Variants in ZNF679 observed in about 807,000 individuals in gnomAD.
The protein encoded by ZNF679 is hypothetical protein MGC42415.
In ZNF679, 10 loss-of-function variants were observed where a neutral mutation model predicts 13.4. The observed-to-expected ratio is 0.75, with a 90% CI of 0.46 to 1.27. The LOEUF (loss-of-function observed/expected upper bound fraction) is 1.27. Ranked by LOEUF, ZNF679 falls within the 50% of genes most tolerant of loss-of-function variation. The pLI is 0.00. For synonymous variants in ZNF679, 179 were observed against 162.5 expected, an observed-to-expected ratio of 1.10 and a Z score of -0.77; for missense variants, 525 against 477.8, an observed-to-expected ratio of 1.10 and a Z score of -0.92.
intron 4 of ZNF679, among the ~76,000 whole-genome samples, chr7:64,262,303 G>T (rs566829632): frequency 9.3e-4 from 141 of 152,206 alleles, no homozygotes; most frequent in South Asian, 8.1e-3. Flanking sequence ...TATTAAATGT[G>T]TTACTTGATT....
At chr7:64,231,286 C>G (rs1253398570) in intron 1 of ZNF679, among the ~76,000 whole-genome samples, 3 of 152,214 alleles carry the variant, frequency 2.0e-5, no homozygotes, top group Non-Finnish European at 4.4e-5. Flanking sequence ...ATGTCACAAT[C>G]TCACATATGG....
intron 2 of ZNF679, among the ~76,000 whole-genome samples, chr7:64,259,987 C>T (rs574654496): frequency 6.6e-6 from 1 of 151,748 alleles, no homozygotes; most frequent in African/African-American, 2.4e-5. Flanking sequence ...TATTGATGCC[C>T]TTAATTTAAT....
intron 2 of ZNF679, among the ~76,000 whole-genome samples, chr7:64,256,491 A>G (rs1584235486): frequency 6.6e-6 from 1 of 152,148 alleles, no homozygotes; most frequent in African/African-American, 2.4e-5. Flanking sequence ...AAAATTGCCA[A>G]ACTGTTTTTC....
intron 1 of ZNF679, among the ~76,000 whole-genome samples, chr7:64,234,774 A>G (rs1787686493): frequency 6.6e-6 from 1 of 152,184 alleles, no homozygotes; most frequent in Admixed American, 6.5e-5. Context: ...TAGAAGACTA[A>G]TATACCTCTC....
chr7:64,262,291 A>T (rs546551578), intron 4 of ZNF679, among the ~76,000 whole-genome samples: 145 of 152,296 alleles, frequency 9.5e-4, no homozygotes, highest in South Asian at 8.1e-3. Flanking sequence ...GCACTGTCAC[A>T]CTATTAAATG....
intron 1 of ZNF679, among the ~76,000 whole-genome samples, chr7:64,229,395 A>C (rs1375243515): frequency 6.6e-6 from 1 of 152,134 alleles, no homozygotes; most frequent in East Asian, 1.9e-4. Context: ...AAGAGACAAC[A>C]CTGTGCCTGT....
chr7:64,240,160 C>T (rs984487809), intron 1 of ZNF679, among the ~76,000 whole-genome samples: 1 of 152,090 alleles, frequency 6.6e-6, no homozygotes, highest in Non-Finnish European at 1.5e-5. Flanking sequence ...CTGAATGGGC[C>T]CTGCTCTCAG....
At chr7:64,254,605 C>T (rs577073030) in intron 2 of ZNF679, among the ~76,000 whole-genome samples, 2 of 151,948 alleles carry the variant, frequency 1.3e-5, no homozygotes, top group South Asian at 2.1e-4. Flanking sequence ...AATTATTGAA[C>T]TTGAGGGAGA....
At chr7:64,234,462 G>A (rs190446852) in intron 1 of ZNF679, among the ~76,000 whole-genome samples, 1 of 152,080 alleles carries the variant, frequency 6.6e-6, no homozygotes, top group African/African-American at 2.4e-5. Context: ...AAATGTGGGG[G>A]GACATCTACT....
At chr7:64,265,853 G>A (rs1407876269) in intron 4 of ZNF679, 43 bp from the exon 5 acceptor site, 33 of 1,584,698 alleles carry the variant, frequency 2.1e-5, no homozygotes, top group African/African-American at 2.7e-5. Context: ...ATATCTATCT[G>A]GGTGTAGTAA....
intron 4 of ZNF679, among the ~76,000 whole-genome samples, chr7:64,261,795 T>C (rs2115607940): frequency 6.6e-6 from 1 of 152,204 alleles, no homozygotes; most frequent in East Asian, 1.9e-4. Flanking sequence ...TTTCAAATAG[T>C]TCTTCCCATT....
chr7:64,238,327 C>T (rs1371357905), intron 1 of ZNF679, among the ~76,000 whole-genome samples: 4 of 152,154 alleles, frequency 2.6e-5, no homozygotes, highest in Non-Finnish European at 5.9e-5. Flanking sequence ...ATATGAATGA[C>T]AGCCCTTTTC....
chr7:64,231,878 A>G (rs1342957991), intron 1 of ZNF679, among the ~76,000 whole-genome samples: 1 of 152,250 alleles, frequency 6.6e-6, no homozygotes, highest in Admixed American at 6.5e-5. Flanking sequence ...ACTTGCAGAA[A>G]GATCCAGAAA....
intron 2 of ZNF679, among the ~76,000 whole-genome samples, chr7:64,255,425 C>G (rs977069230): frequency 1.3e-5 from 2 of 152,124 alleles, no homozygotes; most frequent in African/African-American, 2.4e-5. Context: ...TATCCCCAAC[C>G]CCAGACACTG....
At chr7:64,236,605 C>T (rs915009068) in intron 1 of ZNF679, among the ~76,000 whole-genome samples, 6 of 151,830 alleles carry the variant, frequency 4.0e-5, no homozygotes, top group Admixed American at 6.6e-5. Context: ...GCCAAAATGG[C>T]GAAACCTCAT....
intron 4 of ZNF679, among the ~76,000 whole-genome samples, chr7:64,261,612 A>G (rs2115607105): frequency 6.6e-6 from 1 of 152,210 alleles, no homozygotes; most frequent in South Asian, 2.1e-4. Context: ...TTTTTATGAT[A>G]GCTGCATCTT....
chr7:64,232,198 C>G (rs1009786637), intron 1 of ZNF679, among the ~76,000 whole-genome samples: 1 of 152,202 alleles, frequency 6.6e-6, no homozygotes, highest in African/African-American at 2.4e-5. Flanking sequence ...GACTGAGAAC[C>G]TCAAGAGTGG....
At chr7:64,239,484 A>G (rs1263936312) in intron 1 of ZNF679, among the ~76,000 whole-genome samples, 1 of 152,194 alleles carries the variant, frequency 6.6e-6, no homozygotes, top group Non-Finnish European at 1.5e-5. Context: ...GAACCTTAGT[A>G]ATTTGCTAGT....
At chr7:64,231,370 G>T (rs963372305) in intron 1 of ZNF679, among the ~76,000 whole-genome samples, 1 of 152,176 alleles carries the variant, frequency 6.6e-6, no homozygotes, top group East Asian at 1.9e-4. Flanking sequence ...TTGTGAGCAG[G>T]GCCCAGGAGG....
Sources: allele counts gnomAD v4.1 joint callset (sites outside exome capture counted in the v4.1 genomes callset), GRCh38; gene constraint gnomAD v4.1.1; transcripts MANE v1.5; gene names NCBI Gene and HGNC (gene_info 2026-07-23, HGNC 2026-07-21).